LUZP2: variants seen among roughly 807,000 people sequenced by gnomAD.
LUZP2 encodes leucine zipper protein 2.
A neutral mutation model predicts 51.6 loss-of-function variants in LUZP2; 52 were observed. That is an observed-to-expected ratio of 1.01 (90% CI 0.81 to 1.27). LUZP2 has a LOEUF of 1.27. Ranked by LOEUF, LUZP2 falls within the 50% of genes most tolerant of loss-of-function variation. The pLI, the probability that LUZP2 is intolerant of heterozygous loss-of-function variation, is 0.00. For missense variants in LUZP2, 436 were observed against 395.4 expected, an observed-to-expected ratio of 1.10 and a Z score of -0.87; for synonymous variants, 154 against 137.3, an observed-to-expected ratio of 1.12 and a Z score of -0.85.
chr11:24,732,563 C>G (rs892160810), intron 3 of LUZP2, among the ~76,000 whole-genome samples: 7 of 151,542 alleles, frequency 4.6e-5, no homozygotes, highest in African/African-American at 1.7e-4. Context: ...ACAATCCAAA[C>G]TTGATCATGG....
chr11:24,621,780 T>C (rs1382245579), intron 1 of LUZP2, among the ~76,000 whole-genome samples: 1 of 152,206 alleles, frequency 6.6e-6, no homozygotes, highest in Non-Finnish European at 1.5e-5. Flanking sequence ...AACATTGTCT[T>C]CAAAACTCTT....
At chr11:24,965,557 A>C (rs1855556870) in intron 7 of LUZP2, among the ~76,000 whole-genome samples, 1 of 151,784 alleles carries the variant, frequency 6.6e-6, no homozygotes, top group Non-Finnish European at 1.5e-5. Context: ...GAGATTATAA[A>C]CTTTGAAAGC....
chr11:24,914,609 G>T, intron 7 of LUZP2, 71 bp downstream of exon 7: 2 of 1,029,252 alleles, frequency 1.9e-6, no homozygotes, highest in Non-Finnish European at 2.8e-6. Flanking sequence ...ACATTATTTA[G>T]GTTAAATTTA....
chr11:24,595,287 AT>A (rs1368022202), intron 1 of LUZP2, among the ~76,000 whole-genome samples: 2 of 152,054 alleles, frequency 1.3e-5, no homozygotes, highest in African/African-American at 4.8e-5. Context: ...AACATTAAGT[AT>A]ATTTTACAGA....
At chr11:24,847,156 A>G (rs1019524070) in intron 5 of LUZP2, among the ~76,000 whole-genome samples, 19 of 152,100 alleles carry the variant, frequency 1.2e-4, no homozygotes, top group African/African-American at 4.6e-4. Flanking sequence ...TAAAACTGGG[A>G]TACATAGCTA....
chr11:24,556,414 A>C (rs1313173049), intron 1 of LUZP2, among the ~76,000 whole-genome samples: 1 of 152,178 alleles, frequency 6.6e-6, no homozygotes, highest in Non-Finnish European at 1.5e-5. Flanking sequence ...TAGATTTACA[A>C]ATATCTGTAT....
chr11:24,747,434 T>G (rs1319320296), intron 4 of LUZP2, among the ~76,000 whole-genome samples: 1 of 152,116 alleles, frequency 6.6e-6, no homozygotes, highest in Non-Finnish European at 1.5e-5. Context: ...TACCAGCACC[T>G]GTTCTGGTGG....
intron 5 of LUZP2, among the ~76,000 whole-genome samples, chr11:24,821,579 G>A (rs1383509993): frequency 2.0e-5 from 3 of 152,068 alleles, no homozygotes; most frequent in African/African-American, 7.2e-5. Flanking sequence ...TAAGATTCAT[G>A]TTAGTAAACA....
At chr11:24,862,290 G>T (rs986782549) in intron 5 of LUZP2, among the ~76,000 whole-genome samples, 2 of 152,116 alleles carry the variant, frequency 1.3e-5, no homozygotes, top group African/African-American at 4.8e-5. Flanking sequence ...TTTATATCCA[G>T]CCAAAATAAG....
At chr11:24,839,137 C>A (rs1174984367) in intron 5 of LUZP2, among the ~76,000 whole-genome samples, 2 of 151,570 alleles carry the variant, frequency 1.3e-5, no homozygotes, top group African/African-American at 2.4e-5. Flanking sequence ...CTGAGTTCTA[C>A]CTGTAATAGT....
chr11:24,717,448 G>A (rs1254255168), intron 1 of LUZP2, among the ~76,000 whole-genome samples: 1 of 142,960 alleles, frequency 7.0e-6, no homozygotes. Context: ...TTGCCTTGTC[G>A]CCCAGGTGGA....
chr11:25,073,528 C>T (rs1859216166), intron 10 of LUZP2, among the ~76,000 whole-genome samples: 1 of 151,488 alleles, frequency 6.6e-6, no homozygotes. Flanking sequence ...ACAAGTTAGC[C>T]TAATACAGGA....
intron 4 of LUZP2, among the ~76,000 whole-genome samples, chr11:24,739,240 G>T (rs527797677): frequency 1.3e-5 from 2 of 152,076 alleles, no homozygotes; most frequent in African/African-American, 2.4e-5. Flanking sequence ...GCTTGGGATC[G>T]GATAAATGGG....
Position 24,809,855 on chromosome 11 carries a change from A to G in LUZP2, c.396+46547A>G, listed in dbSNP as rs538515113. ...GAATTATGATGATACAAAGGTATAA[A>G]TGAAAACTTTACTCACTACTGAAAA... On this transcript the variant is annotated intron_variant, in intron 5 of 11. Coordinates refer to ENST00000336930, the MANE Select transcript of LUZP2 (RefSeq NM_001009909.4). Among the ~76,000 whole-genome samples the G allele has an allele frequency of 6.6e-5, 10 of 152,294 alleles. No homozygotes were observed. In the South Asian group the frequency reaches 2.1e-3, roughly 32 times the overall value.
intron 1 of LUZP2, among the ~76,000 whole-genome samples, chr11:24,638,914 C>T (rs1855191376): frequency 6.6e-6 from 1 of 150,652 alleles, no homozygotes; most frequent in Admixed American, 6.6e-5. Flanking sequence ...GATAATTTTC[C>T]CAGAAAAAAA....
At chr11:24,619,205 T>C (rs1471897833) in intron 1 of LUZP2, among the ~76,000 whole-genome samples, 1 of 152,108 alleles carries the variant, frequency 6.6e-6, no homozygotes, top group Non-Finnish European at 1.5e-5. Context: ...ATTATTTTTC[T>C]TTATTTCTTG....
chr11:24,745,011 A>G (rs1216030506), intron 4 of LUZP2, among the ~76,000 whole-genome samples: 1 of 152,022 alleles, frequency 6.6e-6, no homozygotes, highest in Non-Finnish European at 1.5e-5. Flanking sequence ...ATGTATTTGC[A>G]TGGTTTTGAA....
intron 5 of LUZP2, among the ~76,000 whole-genome samples, chr11:24,777,271 G>T (rs1848960384): frequency 6.6e-6 from 1 of 152,094 alleles, no homozygotes; most frequent in African/African-American, 2.4e-5. Context: ...GGAATTACAG[G>T]CTTGAGCCAC....
At chr11:24,577,669 C>A (rs568922720) in intron 1 of LUZP2, among the ~76,000 whole-genome samples, 1 of 152,224 alleles carries the variant, frequency 6.6e-6, no homozygotes, top group South Asian at 2.1e-4. Flanking sequence ...AATGTAAATT[C>A]TGTGACAGGC....
Sources: allele counts gnomAD v4.1 joint callset (sites outside exome capture counted in the v4.1 genomes callset), GRCh38; gene constraint gnomAD v4.1.1; transcripts MANE v1.5; gene names NCBI Gene and HGNC (gene_info 2026-07-23, HGNC 2026-07-21).